USP28: variants seen among roughly 807,000 people sequenced by gnomAD.
USP28 encodes ubiquitin carboxyl-terminal hydrolase 28.
Under a neutral mutation model 145.0 loss-of-function variants are expected in USP28, and 113 were observed. That is an observed-to-expected ratio of 0.78 (90% CI 0.67 to 0.91). USP28 has a LOEUF of 0.91. Ranked by LOEUF, USP28 falls within the 40% of genes least tolerant of loss-of-function variation. The pLI, the probability that USP28 is intolerant of heterozygous loss-of-function variation, is 0.00. For missense variants in USP28, 1,201 were observed against 1,289.6 expected (o/e 0.93, Z 1.05); for synonymous variants, 447 against 450.9 (o/e 0.99, Z 0.11).
chr11:113,872,348 G>A (rs1314621434), intron 1 of USP28, among the ~76,000 whole-genome samples: 2 of 152,098 alleles, frequency 1.3e-5, no homozygotes, highest in Admixed American at 6.6e-5. Flanking sequence ...TCAGCCGGGC[G>A]TGGTGGTGGG....
At chr11:113,808,566 T>A in intron 17 of USP28, 129 bp from the exon 18 acceptor site, 1 of 967,750 alleles carries the variant, frequency 1.0e-6, no homozygotes. Flanking sequence ...CAAAAGCCTA[T>A]GCAGATTTTC....
chr11:113,804,191 T>C lies in USP28; in HGVS notation c.2659-314A>G, dbSNP rs149065296. ...CTCTAGCTTAAGTGAATGACCTCTTTAGGACTGGTAAAACCATCCAGATAT... is the reference window on the plus strand; with the variant it reads ...CTCTAGCTTAAGTGAATGACCTCTTCAGGACTGGTAAAACCATCCAGATAT... On this transcript the variant is annotated intron_variant, in intron 21 of 24. Transcript: ENST00000003302. Among the ~76,000 whole-genome samples the C allele has an allele frequency of 2.7e-3, 404 of 152,326 alleles. 8 individuals are homozygous for C. Among genetic ancestry groups the C allele is most frequent in the Non-Finnish European group, 4.4e-4 (30 of 68,020 alleles).
intron 4 of USP28, 50 bp downstream of exon 4, chr11:113,841,613 T>G (rs905804927): frequency 6.7e-4 from 814 of 1,219,124 alleles, no homozygotes; most frequent in Non-Finnish European, 8.5e-4. Flanking sequence ...CTGTTGCCTT[T>G]GAGATACACA....
chr11:113,866,410 T>TA (rs34563433), intron 1 of USP28, among the ~76,000 whole-genome samples: 1,615 of 152,276 alleles, frequency 0.011, 36 homozygotes, highest in Admixed American at 0.055. Context: ...CTGGATGATA[T>TA]AAAAAACTCT....
chr11:113,820,173 A>G (rs531084778), intron 12 of USP28: 28 of 152,320 alleles, frequency 1.8e-4, no homozygotes, highest in African/African-American at 6.5e-4. Context: ...TGGGACCTAC[A>G]TGAAATAAAT....
chr11:113,827,484 C>T (rs2135856504), intron 10 of USP28, 124 bp from the exon 11 acceptor site: 2 of 973,330 alleles, frequency 2.1e-6, no homozygotes, highest in Non-Finnish European at 2.9e-6. Flanking sequence ...TCAAGGCAAA[C>T]TCATACTAGA....
chr11:113,824,619 G>A lies in USP28; in HGVS notation c.1188-919C>T, dbSNP rs565165778. Among the ~76,000 whole-genome samples, 8 of 149,174 alleles carry A rather than the reference G, an allele frequency of 5.4e-5. No individual in the cohort carries two copies. In the East Asian group the frequency reaches 1.3e-3, roughly 24 times the overall value. ...CAGGTGTGAGCCACCATGTCTGGCCGAAAAACTCAATATTATTATTAAGAT... is the reference window on the plus strand; with the variant it reads ...CAGGTGTGAGCCACCATGTCTGGCCAAAAAACTCAATATTATTATTAAGAT... On this transcript the variant is annotated intron_variant, in intron 11 of 24. Coordinates refer to ENST00000003302, the Ensembl canonical transcript of USP28.
intron 12 of USP28, 73 bp downstream of exon 12, chr11:113,823,532 T>A: frequency 8.3e-7 from 1 of 1,204,004 alleles, no homozygotes. Flanking sequence ...TTGAGTTAAT[T>A]TTTAAAGAAA....
At chr11:113,845,871 G>A (rs556168149) in intron 3 of USP28, among the ~76,000 whole-genome samples, 14 of 152,220 alleles carry the variant, frequency 9.2e-5, no homozygotes, top group South Asian at 4.2e-4. Context: ...TACAGTGCCC[G>A]GACTAAAACA....
chr11:113,823,017 G>C (rs544982003), intron 12 of USP28, among the ~76,000 whole-genome samples: 2 of 152,134 alleles, frequency 1.3e-5, no homozygotes, highest in South Asian at 2.1e-4. Context: ...TTTCTTAAGC[G>C]CAAAATCAAC....
At position 113,808,117 on chromosome 11, in the gene USP28, T is replaced by C. The variant is rs1591500132; in HGVS notation, c.2304+181A>G. On this transcript the variant is annotated intron_variant, in intron 18 of 24. Transcript: ENST00000003302. The stretch of plus-strand genomic sequence containing the variant: ...GTTTGTTTCCTGGGGCATGGGCTTC[T>C]TGGGTTCAGCTTCTTTAAGCTGTGG... 3.3e-6 allele frequency: 5 copies of C among 1,502,860 alleles called. No homozygotes were observed. The East Asian group carries it at 1.2e-4, about 37-fold the overall frequency. The allele number at this position is 1,502,860 out of a possible 1,614,324, so 93.1% of individuals were successfully genotyped here.
At chr11:113,801,855 G>C (rs1049920241) in intron 23 of USP28, among the ~76,000 whole-genome samples, 177 bp from the exon 25 acceptor site, 1 of 152,196 alleles carries the variant, frequency 6.6e-6, no homozygotes, top group Non-Finnish European at 1.5e-5. Flanking sequence ...TTAGTGTTTA[G>C]ATGACCGGGA....
At chr11:113,824,395 G>A (rs1448977693) in intron 11 of USP28, among the ~76,000 whole-genome samples, 1 of 152,012 alleles carries the variant, frequency 6.6e-6, no homozygotes, top group East Asian at 2.0e-4. Context: ...TCGGCTCACT[G>A]TGACCTCCGC....
intron 24 of USP28, among the ~76,000 whole-genome samples, chr11:113,800,873 C>T (rs1938882981): frequency 2.0e-5 from 3 of 146,768 alleles, no homozygotes; most frequent in Non-Finnish European, 4.5e-5. Context: ...TATGGAGTCT[C>T]ATTCCGTGGC....
chr11:113,824,931 T>TAA (rs751056158), intron 11 of USP28, among the ~76,000 whole-genome samples: 4,393 of 118,314 alleles, frequency 0.037, 362 homozygotes, highest in East Asian at 0.31. Flanking sequence ...AACTCCGTCT[T>TAA]AAAAAAAAAA....
At chr11:113,839,028 G>A (rs1364926336) in intron 5 of USP28, among the ~76,000 whole-genome samples, 1 of 152,182 alleles carries the variant, frequency 6.6e-6, no homozygotes. Context: ...CTACCCTCTA[G>A]TGAATTCATT....
chr11:113,853,521 T>C (rs1468279929), intron 2 of USP28, among the ~76,000 whole-genome samples: 1 of 152,148 alleles, frequency 6.6e-6, no homozygotes, highest in Non-Finnish European at 1.5e-5. Context: ...CTCGTAGATA[T>C]TCTGAATCAA....
At chr11:113,865,514 G>A (rs1290958596) in intron 1 of USP28, among the ~76,000 whole-genome samples, 3 of 152,176 alleles carry the variant, frequency 2.0e-5, no homozygotes, top group African/African-American at 7.2e-5. Flanking sequence ...TAGACCAACA[G>A]AATAGAACTG....
intron 22 of USP28, 118 bp from the exon 24 acceptor site, chr11:113,803,399 A>C: frequency 8.4e-7 from 1 of 1,192,244 alleles, no homozygotes; most frequent in Non-Finnish European, 1.1e-6. Context: ...AAAGTGAAGG[A>C]CCAAAGACCG....
Sources: gnomAD v4.1 joint callset for allele counts (sites outside exome capture counted in the v4.1 genomes callset) on GRCh38, gnomAD v4.1.1 for gene constraint, MANE v1.5 for transcripts, NCBI Gene and HGNC (gene_info 2026-07-23, HGNC 2026-07-21) for gene names.